RASAL1: variants seen among roughly 807,000 people sequenced by gnomAD.
RASAL1 encodes the protein rasGAP-activating-like protein 1.
In RASAL1, 72 loss-of-function variants were observed where a neutral mutation model predicts 96.6. That is an observed-to-expected ratio of 0.75 (90% confidence interval 0.62 to 0.91). The LOEUF is 0.91. RASAL1 is among the 40% of genes least tolerant of loss of function. RASAL1 has a pLI of 0.00. For synonymous variants in RASAL1, 405 were observed against 430.4 expected (o/e 0.94, Z 0.73); for missense variants, 1,016 against 1,072.5 (o/e 0.95, Z 0.74).
chr12:113,105,154 C>T (rs755422953), intron 16 of RASAL1, among the ~76,000 whole-genome samples: 8 of 152,210 alleles, frequency 5.3e-5, no homozygotes, highest in Non-Finnish European at 7.3e-5. Context: ...GCTCCCCATT[C>T]GGGAGATTCC....
intron 19 of RASAL1, among the ~76,000 whole-genome samples, chr12:113,101,616 G>A (rs1282554867): frequency 7.0e-6 from 1 of 143,548 alleles, no homozygotes; most frequent in Non-Finnish European, 1.6e-5. Flanking sequence ...GCAAGCGCAG[G>A]GGGCCAGGAT....
rs866718191 is a variant in RASAL1, at chr12:113,130,628, C to G, written c.122+257G>C. 1.3e-5 allele frequency among the ~76,000 whole-genome samples: 2 copies of G among 152,170 alleles called. No homozygotes were observed. Among genetic ancestry groups the G allele is most frequent in the African/African-American group, 4.8e-5 (2 of 41,452 alleles). Reference sequence around the variant, plus strand: ...GAGATGCCCGCCCCCAGGGAGGCCACTGTAGGAGGCACAGGCTGGCAGCGC... The same window carrying G: ...GAGATGCCCGCCCCCAGGGAGGCCAGTGTAGGAGGCACAGGCTGGCAGCGC... On this transcript the variant is annotated intron_variant, in intron 2 of 20. Transcript: ENST00000548055. The surrounding 1 kb of genome is among the most constrained non-coding windows in gnomAD (Gnocchi z 5.1).
rs568977565 is a variant in RASAL1 at position 113,134,817 on chromosome 12, C to T, written c.65+581G>A. Among the ~76,000 whole-genome samples, 22 of 152,226 alleles carry T rather than the reference C, an allele frequency of 1.4e-4. No homozygotes were observed. In the South Asian group the frequency reaches 1.7e-3, roughly 11 times the overall value. ...AATTGGCTCTTCAAGCAGCTCAGCA[C>T]CCGGGGAAGGCCCACACGAGGCTGG... On this transcript the variant is annotated intron_variant, in intron 1 of 20. Transcript: ENST00000548055.
At chr12:113,127,103 G>T (rs1442995263) in intron 4 of RASAL1, among the ~76,000 whole-genome samples, 1 of 151,158 alleles carries the variant, frequency 6.6e-6, no homozygotes. Flanking sequence ...TGTCCAGGCT[G>T]CTCACGGACT....
At chr12:113,134,473 G>T (rs1363232045) in intron 1 of RASAL1, among the ~76,000 whole-genome samples, 1 of 152,180 alleles carries the variant, frequency 6.6e-6, no homozygotes, top group African/African-American at 2.4e-5. Context: ...CTGGATGGGA[G>T]ACCCCAGGCA....
chr12:113,130,368 G>C lies in RASAL1; in HGVS notation c.122+517C>G, dbSNP rs1166953520. Among the ~76,000 whole-genome samples the C allele has an allele frequency of 6.6e-6, 1 of 152,180 alleles. No individual in the cohort carries two copies. The highest frequency in any genetic ancestry group is 1.5e-5 in the Non-Finnish European group (1 of 68,024). The stretch of plus-strand genomic sequence containing the variant: ...CAGCCATGTGCACGTGCATGTACAT[G>C]CACCCTACACTGGTACACACACGTG... On this transcript the variant is annotated intron_variant, in intron 2 of 20. Coordinates refer to ENST00000548055, the MANE Select transcript of RASAL1 (RefSeq NM_001301202.2). This position sits in a 1 kb window ranked among gnomAD's most constrained non-coding sequence, Gnocchi z 5.1.
At chr12:113,103,252 A>T (rs535983922) in intron 18 of RASAL1, among the ~76,000 whole-genome samples, 45 of 149,594 alleles carry the variant, frequency 3.0e-4, no homozygotes, top group Non-Finnish European at 5.8e-4. Context: ...TTACAATGTT[A>T]TACATTGTAA....
At chr12:113,106,520 C>T (rs571342644) in intron 15 of RASAL1, among the ~76,000 whole-genome samples, 5 of 152,360 alleles carry the variant, frequency 3.3e-5, no homozygotes, top group South Asian at 2.1e-4. Flanking sequence ...CTCTTCTTCA[C>T]GGGTGTCCTC....
At chr12:113,120,813 AC>A (rs930402222) in intron 5 of RASAL1, among the ~76,000 whole-genome samples, 4 of 151,450 alleles carry the variant, frequency 2.6e-5, no homozygotes, top group African/African-American at 4.9e-5. Context: ...CCTTCTCACC[AC>A]CCCCCTCTCA....
intron 2 of RASAL1, among the ~76,000 whole-genome samples, chr12:113,128,764 T>A (rs1463883954): frequency 6.6e-6 from 1 of 152,084 alleles, no homozygotes; most frequent in East Asian, 1.9e-4. Flanking sequence ...CCTAAAAACA[T>A]GTACCTTTGT....
intron 19 of RASAL1, among the ~76,000 whole-genome samples, chr12:113,101,617 G>C (rs1242510929): frequency 6.6e-6 from 1 of 152,180 alleles, no homozygotes; most frequent in South Asian, 2.1e-4. Flanking sequence ...CAAGCGCAGG[G>C]GGCCAGGATT....
At position 113,115,803 on chromosome 12, in the gene RASAL1, G is replaced by A. The variant is rs746955011; in HGVS notation, c.850-15C>T. ...GCAGTGTCCTCCTGGGTGGGGGCGGGAGACAAAGATGACCTCGGCCCCTGG... is the reference window on the plus strand; with the variant it reads ...GCAGTGTCCTCCTGGGTGGGGGCGGAAGACAAAGATGACCTCGGCCCCTGG... On this transcript the variant is annotated splice_polypyrimidine_tract_variant and intron_variant, in intron 9 of 20. Coordinates refer to ENST00000548055, the MANE Select transcript of RASAL1 (RefSeq NM_001301202.2). The surrounding 1 kb of genome is among the most constrained non-coding windows in gnomAD (Gnocchi z 4.1). 6.2e-7 allele frequency: 1 copy of A among 1,613,394 alleles called. No individual in the cohort carries two copies. The highest frequency in any genetic ancestry group is 8.5e-7 in the Non-Finnish European group (1 of 1,179,682).
intron 19 of RASAL1, among the ~76,000 whole-genome samples, chr12:113,100,921 C>T (rs1262389230): frequency 6.6e-6 from 1 of 152,178 alleles, no homozygotes; most frequent in African/African-American, 2.4e-5. Context: ...TTACTATTAG[C>T]TCCATTATAC....
intron 12 of RASAL1, among the ~76,000 whole-genome samples, chr12:113,113,438 A>C (rs1209689696): frequency 6.6e-6 from 1 of 152,052 alleles, no homozygotes; most frequent in African/African-American, 2.4e-5. Context: ...AGGTCCCTAC[A>C]TGCCCCTGTC....
chr12:113,102,940 A>C (rs1950502418), intron 18 of RASAL1: 1 of 168,516 alleles, frequency 5.9e-6, no homozygotes, highest in Admixed American at 6.4e-5. Flanking sequence ...CCTTACCCCC[A>C]TCTCCCAGTT....
rs538600820 is a variant in RASAL1, at chr12:113,105,706, A to G, written c.1830+8T>C. 1.3e-6 allele frequency: 2 copies of G among 1,598,690 alleles called. No homozygotes were observed. The highest frequency in any genetic ancestry group is 4.5e-5 in the East Asian group (2 of 44,434). On this transcript the variant is annotated splice_region_variant and intron_variant, in intron 16 of 20. Transcript: ENST00000548055. ...TGGAAAGCCCTCCATAGTGGACTGG[A>G]ACCCCACCTGCCACTCAGGACTCTT...
chr12:113,107,762 A>G (rs1281361386), intron 14 of RASAL1, among the ~76,000 whole-genome samples: 1 of 149,650 alleles, frequency 6.7e-6, no homozygotes, highest in East Asian at 1.9e-4. Context: ...AGAACTGCTC[A>G]GTCCTACCAT....
chr12:113,101,778 A>C, intron 19 of RASAL1, 111 bp downstream of exon 19: 3 of 1,369,600 alleles, frequency 2.2e-6, no homozygotes, highest in Non-Finnish European at 2.9e-6. Flanking sequence ...CCCCCGGGGA[A>C]TATCCACCAA....
chr12:113,119,634 G>C (rs1202770411), intron 5 of RASAL1, among the ~76,000 whole-genome samples, 191 bp from the exon 6 acceptor site: 1 of 152,170 alleles, frequency 6.6e-6, no homozygotes, highest in Non-Finnish European at 1.5e-5. Context: ...ACCCTATGGG[G>C]AGGCACTTGT....
Sources: allele counts gnomAD v4.1 joint callset (sites outside exome capture counted in the v4.1 genomes callset), GRCh38; gene constraint gnomAD v4.1.1; non-coding constraint Gnocchi (gnomAD v3.1); transcripts MANE v1.5; gene names NCBI Gene and HGNC (gene_info 2026-07-23, HGNC 2026-07-21).